The following RNGTT variants were observed in gnomAD, a reference collection of about 807,000 sequenced individuals.
The protein encoded by RNGTT is mRNA-capping enzyme.
In RNGTT, 33 loss-of-function variants were observed where a neutral mutation model predicts 79.3. The ratio of observed to expected loss-of-function variants is 0.42; its 90% confidence interval spans 0.32 to 0.56. The LOEUF is 0.56. RNGTT is among the 20% of genes least tolerant of loss of function. The probability of loss-of-function intolerance (pLI) is 0.17; values close to 1 mark genes in which losing one functional copy is unlikely to be tolerated. For missense variants in RNGTT, 497 were observed against 739.1 expected (o/e 0.67, Z 3.80); for synonymous variants, 222 against 235.9 (o/e 0.94, Z 0.54).
chr6:88,704,927 C>CCCCAACT (rs1776080810), intron 13 of RNGTT, among the ~76,000 whole-genome samples: 1 of 151,904 alleles, frequency 6.6e-6, no homozygotes, highest in African/African-American at 2.4e-5. Context: ...GGTAGAGCTC[C>CCCCAACT]CCCAACTCAT....
At chr6:88,961,669 T>C (rs927968016) in intron 1 of RNGTT, among the ~76,000 whole-genome samples, 1 of 152,230 alleles carries the variant, frequency 6.6e-6, no homozygotes, top group Non-Finnish European at 1.5e-5. Context: ...TTTAAGTCCT[T>C]TGAATTTCTT....
At chr6:88,662,280 T>A (rs1193655112) in intron 14 of RNGTT, among the ~76,000 whole-genome samples, 1 of 152,184 alleles carries the variant, frequency 6.6e-6, no homozygotes, top group Non-Finnish European at 1.5e-5. Flanking sequence ...TAGTTAAACA[T>A]CAACTCCTGA....
intron 15 of RNGTT, among the ~76,000 whole-genome samples, chr6:88,613,414 T>C (rs1429700884): frequency 6.6e-6 from 1 of 152,238 alleles, no homozygotes; most frequent in Non-Finnish European, 1.5e-5. Context: ...TATTTGGTCT[T>C]AGAAGAAAAG....
At chr6:88,933,627 G>C (rs575162661) in intron 2 of RNGTT, among the ~76,000 whole-genome samples, 2 of 152,164 alleles carry the variant, frequency 1.3e-5, no homozygotes, top group Non-Finnish European at 2.9e-5. Flanking sequence ...CTACAGATAT[G>C]AAATCAACTT....
At chr6:88,681,050 T>C (rs979493285) in intron 13 of RNGTT, among the ~76,000 whole-genome samples, 1 of 152,222 alleles carries the variant, frequency 6.6e-6, no homozygotes, top group African/African-American at 2.4e-5. Flanking sequence ...GCTGGTATCA[T>C]AAATTGAATG....
rs920943338 is a variant in RNGTT at position 88,844,588 on chromosome 6, G to T, written c.1105-67C>A. The T allele has an allele frequency of 2.1e-6, 3 of 1,446,664 alleles. No individual in the cohort carries two copies. The Admixed American group carries it at 5.6e-5, about 27-fold the overall frequency. 89.6% of individuals were successfully genotyped at this position (1,446,664 alleles called of 1,614,324 possible). A position where few individuals can be genotyped will look rare whatever the true frequency, so the allele number is the denominator to read the frequency against. On this transcript the variant is annotated intron_variant, in intron 10 of 15. Transcript: ENST00000369485. ...CTATTTTATCAGCATAATTATCAAG[G>T]CTGCCACAATGTACATAATAGTCTG...
At chr6:88,792,710 A>T (rs758229997) in intron 12 of RNGTT, among the ~76,000 whole-genome samples, 102 of 152,316 alleles carry the variant, frequency 6.7e-4, no homozygotes, top group Non-Finnish European at 1.2e-3. Flanking sequence ...AATACATAAG[A>T]CCACTCTGGT....
chr6:88,627,292 T>C (rs1364865174), intron 14 of RNGTT, among the ~76,000 whole-genome samples: 1 of 152,302 alleles, frequency 6.6e-6, no homozygotes, highest in African/African-American at 2.4e-5. Context: ...AAGTTCACAA[T>C]GTATTAGACC....
chr6:88,904,018 C>T lies in RNGTT; in HGVS notation c.684+697G>A, dbSNP rs1434871412. On this transcript the variant is annotated intron_variant, in intron 6 of 15. Coordinates refer to ENST00000369485, the MANE Select transcript of RNGTT (RefSeq NM_003800.5). Reference sequence around the variant, plus strand: ...TTTAATTTTATGGAAACCATGAAAGCATCACCCAGGGAGGGGGATGCAGAA... The same window carrying T: ...TTTAATTTTATGGAAACCATGAAAGTATCACCCAGGGAGGGGGATGCAGAA... Among the ~76,000 whole-genome samples the T allele has an allele frequency of 3.3e-5, 5 of 152,154 alleles. No homozygotes were observed. The South Asian group carries it at 1.0e-3, about 32-fold the overall frequency.
chr6:88,773,298 C>T (rs79198909), intron 12 of RNGTT, among the ~76,000 whole-genome samples: 1 of 131,070 alleles, frequency 7.6e-6, no homozygotes, highest in South Asian at 2.5e-4. Flanking sequence ...GGAAGGGGAA[C>T]ATCACACTCT....
At chr6:88,695,074 A>G (rs1775614308) in intron 13 of RNGTT, among the ~76,000 whole-genome samples, 1 of 152,198 alleles carries the variant, frequency 6.6e-6, no homozygotes, top group South Asian at 2.1e-4. Context: ...CTGGAAAAAA[A>G]ATAGATCAAA....
intron 13 of RNGTT, among the ~76,000 whole-genome samples, chr6:88,728,728 C>CT (rs907611898): frequency 2.0e-5 from 3 of 152,210 alleles, no homozygotes; most frequent in African/African-American, 7.2e-5. Flanking sequence ...TAATCCCCCG[C>CT]TGCCTGTACC....
chr6:88,680,158 C>T (rs989898357), intron 13 of RNGTT, among the ~76,000 whole-genome samples: 1 of 152,168 alleles, frequency 6.6e-6, no homozygotes, highest in Non-Finnish European at 1.5e-5. Context: ...AATTAGAACA[C>T]AAGATTATCG....
At chr6:88,643,737 T>A (rs1348922106) in intron 14 of RNGTT, among the ~76,000 whole-genome samples, 2 of 152,174 alleles carry the variant, frequency 1.3e-5, no homozygotes, top group Non-Finnish European at 2.9e-5. Flanking sequence ...CTGAACAACC[T>A]GCTCCTGAAT....
At chr6:88,838,023 T>A (rs945665757) in intron 11 of RNGTT, among the ~76,000 whole-genome samples, 1 of 152,040 alleles carries the variant, frequency 6.6e-6, no homozygotes, top group Non-Finnish European at 1.5e-5. Context: ...CCTAAAAAAA[T>A]TGCAAAATTA....
At chr6:88,703,207 T>A (rs1248144234) in intron 13 of RNGTT, among the ~76,000 whole-genome samples, 1 of 152,080 alleles carries the variant, frequency 6.6e-6, no homozygotes, top group African/African-American at 2.4e-5. Context: ...TGGGGATGTA[T>A]CCAAAGAAAA....
chr6:88,790,193 C>T (rs549266717), intron 12 of RNGTT, among the ~76,000 whole-genome samples: 6 of 152,074 alleles, frequency 3.9e-5, no homozygotes, highest in East Asian at 3.9e-4. Context: ...CAAAGAAGGA[C>T]GCCAATGCAA....
At chr6:88,917,804 G>A (rs1157138630) in intron 4 of RNGTT, among the ~76,000 whole-genome samples, 2 of 151,582 alleles carry the variant, frequency 1.3e-5, no homozygotes, top group Non-Finnish European at 2.9e-5. Context: ...GGAGAATCGC[G>A]TGAGCCCAGG....
intron 6 of RNGTT, among the ~76,000 whole-genome samples, chr6:88,892,704 G>T (rs1783091601): frequency 1.3e-5 from 2 of 152,028 alleles, no homozygotes; most frequent in South Asian, 4.1e-4. Context: ...TAAAGGGACT[G>T]GCATCAGTCT....
Sources: gnomAD v4.1 joint callset for allele counts (sites outside exome capture counted in the v4.1 genomes callset) on GRCh38, gnomAD v4.1.1 for gene constraint, MANE v1.5 for transcripts, NCBI Gene and HGNC (gene_info 2026-07-23, HGNC 2026-07-21) for gene names.